Variants in DNAJC1 observed in about 807,000 individuals in gnomAD.
The protein encoded by DNAJC1 is DnaJ heat shock protein family (Hsp40) member C1, also known as dnaJ homolog subfamily C member 1.
DNAJC1 carries 58 observed loss-of-function variants against 76.6 expected under a neutral mutation model. That is an observed-to-expected ratio of 0.76 (90% CI 0.61 to 0.94). The LOEUF is 0.94. Among genes scored for constraint, DNAJC1 ranks in the 40% least tolerant of loss-of-function variants. DNAJC1 has a pLI of 0.00. For missense variants in DNAJC1, 689 were observed against 677.3 expected (o/e 1.02, Z -0.19); for synonymous variants, 258 against 267.9 (o/e 0.96, Z 0.36).
At chr10:21,933,800 T>A (rs1590055719) in intron 1 of DNAJC1, among the ~76,000 whole-genome samples, 1 of 152,312 alleles carries the variant, frequency 6.6e-6, no homozygotes. Flanking sequence ...CATGTTACCC[T>A]TCCTAATGTC....
intron 9 of DNAJC1, among the ~76,000 whole-genome samples, chr10:21,778,976 G>A (rs1269116227): frequency 2.0e-5 from 3 of 152,346 alleles, no homozygotes; most frequent in East Asian, 1.9e-4. Flanking sequence ...ACGGTCCCAC[G>A]CCCATGGAGC....
chr10:21,900,445 T>C (rs1007254358), intron 7 of DNAJC1, among the ~76,000 whole-genome samples: 9 of 152,130 alleles, frequency 5.9e-5, no homozygotes, highest in Admixed American at 5.9e-4. Flanking sequence ...TTCTGAATCA[T>C]TGCCATGGGG....
At chr10:21,916,519 T>C (rs145499100) in intron 6 of DNAJC1, among the ~76,000 whole-genome samples, 125 of 152,138 alleles carry the variant, frequency 8.2e-4, no homozygotes, top group African/African-American at 2.6e-3. Context: ...AAAAAAACAA[T>C]GGTCCTATAT....
intron 1 of DNAJC1, among the ~76,000 whole-genome samples, chr10:21,999,690 T>A (rs1838486015): frequency 1.3e-5 from 2 of 151,978 alleles, no homozygotes; most frequent in South Asian, 4.2e-4. Context: ...CCTGACCTCG[T>A]GATCCACCCG....
At chr10:21,963,964 T>C (rs1320045322) in intron 1 of DNAJC1, among the ~76,000 whole-genome samples, 2 of 152,210 alleles carry the variant, frequency 1.3e-5, no homozygotes, top group African/African-American at 2.4e-5. Context: ...CCACAGGCCT[T>C]AGGGCATTCT....
chr10:21,829,747 A>G (rs1202788212), intron 8 of DNAJC1, among the ~76,000 whole-genome samples: 1 of 152,222 alleles, frequency 6.6e-6, no homozygotes, highest in African/African-American at 2.4e-5. Flanking sequence ...ATTTGACAAT[A>G]TTTGTTATTT....
At chr10:21,914,738 C>T (rs1836923971) in intron 6 of DNAJC1, among the ~76,000 whole-genome samples, 1 of 152,144 alleles carries the variant, frequency 6.6e-6, no homozygotes, top group Non-Finnish European at 1.5e-5. Flanking sequence ...AGCCTTAACA[C>T]AGTATGATTT....
intron 8 of DNAJC1, among the ~76,000 whole-genome samples, chr10:21,862,577 TG>T (rs1296660822): frequency 2.0e-5 from 3 of 151,692 alleles, no homozygotes; most frequent in Non-Finnish European, 4.4e-5. Flanking sequence ...TACAGGTGCA[TG>T]CCCCCACGCC....
At chr10:21,833,909 G>A (rs988742814) in intron 8 of DNAJC1, among the ~76,000 whole-genome samples, 3 of 152,084 alleles carry the variant, frequency 2.0e-5, no homozygotes, top group African/African-American at 7.2e-5. Context: ...TGTGCTACTA[G>A]AAATCAGACA....
intron 9 of DNAJC1, among the ~76,000 whole-genome samples, chr10:21,802,919 T>C (rs928320919): frequency 1.3e-5 from 2 of 152,122 alleles, no homozygotes; most frequent in African/African-American, 4.8e-5. Flanking sequence ...AATTATTTGC[T>C]GAAAGGCATA....
intron 1 of DNAJC1, among the ~76,000 whole-genome samples, chr10:21,985,151 T>C (rs568169507): frequency 3.9e-5 from 6 of 151,970 alleles, no homozygotes; most frequent in Non-Finnish European, 5.9e-5. Flanking sequence ...TGTGCAACCA[T>C]CACCAAAATC....
chr10:21,989,938 A>T (rs1838302736), intron 1 of DNAJC1, among the ~76,000 whole-genome samples: 1 of 152,220 alleles, frequency 6.6e-6, no homozygotes, highest in South Asian at 2.1e-4. Flanking sequence ...GCAGAAACAT[A>T]ATATTTCAAT....
chr10:21,846,572 T>C (rs1437146208), intron 8 of DNAJC1, among the ~76,000 whole-genome samples: 1 of 152,174 alleles, frequency 6.6e-6, no homozygotes, highest in East Asian at 1.9e-4. Flanking sequence ...GTAGAGCCTC[T>C]ACCATTAAAA....
At chr10:21,891,241 G>A (rs1040832761) in intron 7 of DNAJC1, among the ~76,000 whole-genome samples, 16 of 151,948 alleles carry the variant, frequency 1.1e-4, no homozygotes, top group African/African-American at 2.9e-4. Flanking sequence ...AAGCAGCCAT[G>A]TCATAATGAT....
chr10:21,861,523 C>T (rs2065513787), intron 8 of DNAJC1, among the ~76,000 whole-genome samples: 1 of 152,118 alleles, frequency 6.6e-6, no homozygotes, highest in South Asian at 2.1e-4. Flanking sequence ...GAGGCTGAGA[C>T]CTACTGGGCT....
intron 8 of DNAJC1, among the ~76,000 whole-genome samples, chr10:21,875,391 A>C (rs1836170073): frequency 6.6e-6 from 1 of 152,124 alleles, no homozygotes; most frequent in Admixed American, 6.5e-5. Flanking sequence ...CCTGACCTCA[A>C]ACAATCCTCC....
At chr10:21,989,186 T>A (rs1838294282) in intron 1 of DNAJC1, among the ~76,000 whole-genome samples, 1 of 152,112 alleles carries the variant, frequency 6.6e-6, no homozygotes, top group African/African-American at 2.4e-5. Context: ...GGATGATAAG[T>A]GGCAAAAGGT....
chr10:21,920,981 C>G lies in DNAJC1; in HGVS notation c.372-18G>C, dbSNP rs770074353. ...CATCATACCTACAGTACAAATATAA[C>G]AGTTTTTCACGGGGAGTTTAAAATA... On this transcript the variant is annotated intron_variant, in intron 3 of 11. Transcript: ENST00000376980. 1.3e-6 allele frequency: 2 copies of G among 1,513,536 alleles called. No homozygotes were observed. Among genetic ancestry groups the G allele is most frequent in the East Asian group, 4.8e-5 (2 of 42,064 alleles). The allele number at this position is 1,513,536 out of a possible 1,614,324, so 93.8% of individuals were successfully genotyped here.
intron 7 of DNAJC1, among the ~76,000 whole-genome samples, chr10:21,894,251 C>A (rs1035754523): frequency 3.1e-4 from 47 of 152,220 alleles, no homozygotes; most frequent in African/African-American, 1.1e-3. Flanking sequence ...GAATTAATAC[C>A]AGTGTTAGAC....
Sources: gnomAD v4.1 joint callset for allele counts (sites outside exome capture counted in the v4.1 genomes callset) on GRCh38, gnomAD v4.1.1 for gene constraint, MANE v1.5 for transcripts, NCBI Gene and HGNC (gene_info 2026-07-23, HGNC 2026-07-21) for gene names.